The following NEBL variants were observed in gnomAD, a reference collection of about 807,000 sequenced individuals.
The protein encoded by NEBL is LIM and SH3 protein 2.
A neutral mutation model predicts 140.2 loss-of-function variants in NEBL; 122 were observed. That is an observed-to-expected ratio of 0.87 (90% CI 0.75 to 1.01). The LOEUF is 1.01. NEBL is among the 50% of genes least tolerant of loss of function. The probability of loss-of-function intolerance (pLI) is 0.00; values close to 1 mark genes in which losing one functional copy is unlikely to be tolerated. For missense variants in NEBL, 1,365 were observed against 1,231.3 expected (o/e 1.11, Z -1.62); for synonymous variants, 436 against 398.9 (o/e 1.09, Z -1.11).
At chr10:21,048,177 T>G (rs1198360818) in intron 2 of NEBL, among the ~76,000 whole-genome samples, 50 of 152,214 alleles carry the variant, frequency 3.3e-4, no homozygotes, top group Admixed American at 3.2e-3. Flanking sequence ...ATTTCAGTCT[T>G]GTTCTCCCCT....
chr10:21,040,784 G>A (rs1353031357), intron 2 of NEBL, among the ~76,000 whole-genome samples: 1 of 152,116 alleles, frequency 6.6e-6, no homozygotes. Context: ...ATCATGGGGG[G>A]ATTTCTCCCT....
At chr10:20,865,495 C>T (rs900564344) in intron 7 of NEBL, among the ~76,000 whole-genome samples, 1 of 152,126 alleles carries the variant, frequency 6.6e-6, no homozygotes, top group African/African-American at 2.4e-5. Flanking sequence ...GGTACATTTT[C>T]TTAACCACTA....
In NEBL at chr10:20,858,225, A is replaced by G. The variant is rs770515409; in HGVS notation, c.903+15T>C. ...CCACAAGGCAACTACGGTTGCCGCTAGATGAACCACTTACGCCGCTGAGCA... is the reference window on the plus strand; with the variant it reads ...CCACAAGGCAACTACGGTTGCCGCTGGATGAACCACTTACGCCGCTGAGCA... On this transcript the variant is annotated intron_variant, in intron 9 of 27. Transcript: ENST00000377122. 5 of 1,569,200 alleles carry G rather than the reference A, an allele frequency of 3.2e-6. No homozygotes were observed. The Admixed American group carries it at 5.0e-5, about 16-fold the overall frequency.
chr10:20,964,699 T>C (rs762590844), intron 3 of NEBL, among the ~76,000 whole-genome samples: 1 of 152,146 alleles, frequency 6.6e-6, no homozygotes, highest in African/African-American at 2.4e-5. Flanking sequence ...GGTGCTCTTT[T>C]GCTATGGTCT....
intron 5 of NEBL, among the ~76,000 whole-genome samples, chr10:20,876,232 G>C (rs788951): frequency 0.22 from 33,637 of 152,082 alleles, 4,140 homozygotes; most frequent in East Asian, 0.42. Flanking sequence ...TGGCCAGAAT[G>C]GCTTATCATT....
intron 4 of NEBL, among the ~76,000 whole-genome samples, chr10:20,881,167 C>T (rs1022108094): frequency 2.2e-4 from 34 of 152,224 alleles, no homozygotes; most frequent in African/African-American, 6.0e-4. Flanking sequence ...GCTTAAACCT[C>T]GGGTGTAGTT....
chr10:21,012,261 T>C (rs660859), intron 3 of NEBL, among the ~76,000 whole-genome samples: 88,761 of 151,944 alleles, frequency 0.58, 27,522 homozygotes, highest in East Asian at 0.79. Flanking sequence ...CTTCACTCTG[T>C]TTCTCTCTCT....
Position 21,083,366 on chromosome 10 carries a change from C to T in NEBL, c.165-63165G>A, listed in dbSNP as rs577442674. Reference sequence around the variant, plus strand: ...TTTGTCCCTTCTTCTGGGCACTCATCATGTCCCTCCACCCCAGTAGCAGCA... The same window carrying T: ...TTTGTCCCTTCTTCTGGGCACTCATTATGTCCCTCCACCCCAGTAGCAGCA... On this transcript the variant is annotated intron_variant, in intron 2 of 6. Coordinates refer to the NEBL transcript ENST00000417816. Among the ~76,000 whole-genome samples the T allele has an allele frequency of 5.9e-5, 9 of 152,296 alleles. 1 individual carries two copies. Among genetic ancestry groups the T allele is most frequent in the African/African-American group, 2.2e-4 (9 of 41,556 alleles).
intron 18 of NEBL, among the ~76,000 whole-genome samples, chr10:20,823,634 C>G (rs149192514): frequency 6.3e-4 from 96 of 152,004 alleles, no homozygotes; most frequent in Middle Eastern, 3.4e-3. Flanking sequence ...TATTTTCTAT[C>G]CAAAAATCAG....
chr10:21,206,143 T>C (rs2132231345), intron 3 of NEBL, among the ~76,000 whole-genome samples: 1 of 152,312 alleles, frequency 6.6e-6, no homozygotes, highest in South Asian at 2.1e-4. Flanking sequence ...GCCAATAAAA[T>C]GATCATTGGA....
At chr10:21,110,706 A>G (rs1426282147) in intron 2 of NEBL, 4 of 495,232 alleles carry the variant, frequency 8.1e-6, no homozygotes, top group East Asian at 5.0e-5. Flanking sequence ...GGACATGGAC[A>G]TGAGCCCCCT....
At chr10:21,226,623 G>T (rs1414950531) in intron 3 of NEBL, among the ~76,000 whole-genome samples, 1 of 152,148 alleles carries the variant, frequency 6.6e-6, no homozygotes, top group Non-Finnish European at 1.5e-5. Context: ...ACTGAGATCT[G>T]CCTATGTTGC....
chr10:20,966,776 T>C (rs950034039), intron 3 of NEBL, among the ~76,000 whole-genome samples: 11 of 152,172 alleles, frequency 7.2e-5, no homozygotes, highest in African/African-American at 2.7e-4. Context: ...CCCCAAATGC[T>C]GCAAACAGCG....
At chr10:20,995,803 T>C (rs1369976203) in intron 3 of NEBL, among the ~76,000 whole-genome samples, 2 of 152,140 alleles carry the variant, frequency 1.3e-5, no homozygotes, top group Non-Finnish European at 2.9e-5. Context: ...GCTGCTCGGC[T>C]TGAAAATAAT....
intron 12 of NEBL, 87 bp downstream of exon 12, chr10:20,845,171 T>C (rs1215965274): frequency 2.4e-6 from 2 of 818,852 alleles, no homozygotes; most frequent in Non-Finnish European, 4.1e-6. Flanking sequence ...TCTGAAACAC[T>C]GAATTAGTAG....
At chr10:20,853,159 A>G (rs374418440) in intron 9 of NEBL, among the ~76,000 whole-genome samples, 1 of 152,228 alleles carries the variant, frequency 6.6e-6, no homozygotes, top group East Asian at 1.9e-4. Context: ...AGGAAAATGT[A>G]AGAGAAATAA....
At chr10:21,219,487 A>G (rs1842038873) in intron 3 of NEBL, among the ~76,000 whole-genome samples, 1 of 152,198 alleles carries the variant, frequency 6.6e-6, no homozygotes, top group Non-Finnish European at 1.5e-5. Context: ...TTTTTACTCC[A>G]GTAGCATGCT....
chr10:21,156,821 A>C (rs1247921222), intron 2 of NEBL, among the ~76,000 whole-genome samples: 1 of 152,232 alleles, frequency 6.6e-6, no homozygotes, highest in Non-Finnish European at 1.5e-5. Flanking sequence ...TAAGATTATA[A>C]ATCTTCACAC....
chr10:21,232,707 C>G (rs147837130), intron 3 of NEBL, among the ~76,000 whole-genome samples: 67 of 152,302 alleles, frequency 4.4e-4, no homozygotes, highest in African/African-American at 1.5e-3. Flanking sequence ...GATGGGGAGA[C>G]AGACAGGTAC....
Sources: gnomAD v4.1 joint callset for allele counts (sites outside exome capture counted in the v4.1 genomes callset) on GRCh38, gnomAD v4.1.1 for gene constraint, MANE v1.5 for transcripts, NCBI Gene and HGNC (gene_info 2026-07-23, HGNC 2026-07-21) for gene names.